The following MUC4 variants were observed in gnomAD, a reference collection of about 807,000 sequenced individuals.
MUC4 encodes the protein mucin-4.
MUC4 carries 202 observed loss-of-function variants against 257.9 expected under a neutral mutation model. That is an observed-to-expected ratio of 0.78 (90% CI 0.70 to 0.88). The LOEUF is 0.88. Ranked by LOEUF, MUC4 falls within the 40% of genes least tolerant of loss-of-function variation. MUC4 has a pLI of 0.00. For missense variants in MUC4, 5,976 were observed against 6,513.7 expected (o/e 0.92, Z 2.84); for synonymous variants, 2,351 against 2,757.1 (o/e 0.85, Z 4.62).
chr3:195,786,619 G>T lies in MUC4; in HGVS notation c.4961C>A (p.Pro1654His). 6.5e-7 allele frequency: 1 copy of T among 1,527,810 alleles called. No homozygotes were observed. The highest frequency in any genetic ancestry group is 1.4e-5 in the African/African-American group (1 of 71,448). The allele number at this position is 1,527,810 out of a possible 1,614,324, so 94.6% of individuals were successfully genotyped here. A position where few individuals can be genotyped will look rare whatever the true frequency, so the allele number is the denominator to read the frequency against. ...GHATPLHVTS[P>H]SSASTGHATP... The stretch of plus-strand genomic sequence containing the variant: ...GGCGTGACCTGTGGATGCTGAGGAA[G>T]GGCTGGTGACATGAAGAGGGGTGGC... The change falls in exon 2 of 25, where the codon CCT becomes CAT. Residue 1654 changes from proline to histidine, a missense_variant. Pro to His is a moderately conservative substitution (Grantham distance 77). Transcript: ENST00000463781.
intron 17 of MUC4, among the ~76,000 whole-genome samples, chr3:195,758,188 T>C (rs1051167169): frequency 2.0e-5 from 3 of 152,144 alleles, no homozygotes; most frequent in African/African-American, 7.2e-5. Flanking sequence ...CCCTTTGAAT[T>C]AGTGCTGGCA....
chr3:195,762,841 G>A lies in MUC4; in HGVS notation c.14344+14C>T, dbSNP rs756388359. Reference sequence around the variant, plus strand: ...CCGGTGCGGGGAGGGGGCGGCCGGCGCTCCCCAACCTACCTCCGCCGTCTT... The same window carrying A: ...CCGGTGCGGGGAGGGGGCGGCCGGCACTCCCCAACCTACCTCCGCCGTCTT... On this transcript the variant is annotated intron_variant, in intron 13 of 24. Transcript: ENST00000463781. 7.1e-6 allele frequency: 11 copies of A among 1,541,146 alleles called. 1 individual carries two copies. In the South Asian group the frequency reaches 1.2e-4, roughly 17 times the overall value.
rs1718946635 is a variant in MUC4 at position 195,761,691 on chromosome 3, G to T, written c.14513-106C>A. The stretch of plus-strand genomic sequence containing the variant: ...GAGAGGCCAGGGCCTGGCAGCCTCT[G>T]CTCTTGCACCTGCTGTCAGGCCTCC... On this transcript the variant is annotated intron_variant, in intron 14 of 24. Transcript: ENST00000463781. The T allele has an allele frequency of 1.4e-5, 12 of 854,192 alleles. No individual in the cohort carries two copies. The Middle Eastern group carries it at 3.5e-3, about 246-fold the overall frequency. 52.9% of individuals were successfully genotyped at this position (854,192 alleles called of 1,614,324 possible).
At chr3:195,767,742 CCA>C (rs1721505053) in intron 7 of MUC4, among the ~76,000 whole-genome samples, 1 of 78,358 alleles carries the variant, frequency 1.3e-5, no homozygotes, top group East Asian at 5.4e-4. Context: ...ACCACCATCA[CCA>C]TCGCCACCAC....
In MUC4 at chr3:195,757,320, T is replaced by A. The variant is rs763620428; in HGVS notation, c.14995A>T (p.Thr4999Ser). 11 of 1,594,532 alleles carry A rather than the reference T, an allele frequency of 6.9e-6. No homozygotes were observed. The highest frequency in any genetic ancestry group is 9.5e-6 in the Non-Finnish European group (11 of 1,163,738). ...CTDLELFENG[T>S]LLWTPKSLEP... The stretch of plus-strand genomic sequence containing the variant: ...AGCGACTTGGGTGTCCACAGCAACG[T>A]CCCATTCTCTGCCCCGGGGAAGATG... Residue 4999 changes from threonine (T) to serine (S), a missense_variant, in exon 18 of 25, where the codon ACG becomes TCG. Physicochemically the swap from Thr to Ser is moderately conservative, Grantham distance 58 (BLOSUM62 1). Coordinates refer to ENST00000463781, the MANE Select transcript of MUC4 (RefSeq NM_018406.7). This position sits in a 1 kb window ranked among gnomAD's most constrained non-coding sequence, Gnocchi z 4.8.
chr3:195,751,300 G>A (rs1716385479), intron 21 of MUC4, 29 bp from the exon 22 acceptor site: 2 of 1,561,738 alleles, frequency 1.3e-6, no homozygotes, highest in Non-Finnish European at 8.7e-7. Context: ...GATGGGGGTG[G>A]GGGTGAGGCC....
intron 9 of MUC4, 63 bp downstream of exon 9, chr3:195,765,207 G>A: frequency 6.3e-7 from 1 of 1,586,126 alleles, no homozygotes. Flanking sequence ...TCTGGGGAGA[G>A]GCTGAGGGCG....
chr3:195,794,427 A>C (rs1469208032), intron 1 of MUC4, among the ~76,000 whole-genome samples: 1 of 152,138 alleles, frequency 6.6e-6, no homozygotes, highest in African/African-American at 2.4e-5. Context: ...AGAGAGAGAG[A>C]GAAAGAGAGA....
Position 195,765,012 on chromosome 3 carries a change from G to A in MUC4, c.13909C>T (p.Arg4637Cys), listed in dbSNP as rs141089874. 1.9e-6 allele frequency: 3 copies of A among 1,613,736 alleles called. No homozygotes were observed. The highest frequency in any genetic ancestry group is 2.7e-5 in the African/African-American group (2 of 74,902). The change falls in exon 10 of 25, where the codon CGT (arginine) becomes TGT (cysteine). Residue 4637 changes from arginine to cysteine, a missense_variant. Physicochemically the swap from Arg to Cys is radical, Grantham distance 180. Around this residue, in one of 44 missense-constraint regions of MUC4, gnomAD observed 996 missense variants for 1,137.3 expected, o/e 0.88. Coordinates refer to ENST00000463781, the MANE Select transcript of MUC4 (RefSeq NM_018406.7). ...ACTCACGCACCCAACTGCCAAGGACGCTGCACGTGCCAGCCTTCACGAAAC... is the reference window on the plus strand; with the variant it reads ...ACTCACGCACCCAACTGCCAAGGACACTGCACGTGCCAGCCTTCACGAAAC... Reference protein sequence around the residue: ...GEFREGWHVQRPWQLAQELEP... With the variant: ...GEFREGWHVQCPWQLAQELEP...
At chr3:195,763,404 C>G in intron 12 of MUC4, 29 bp downstream of exon 12, 1 of 1,403,260 alleles carries the variant, frequency 7.1e-7, no homozygotes, top group Non-Finnish European at 9.3e-7. Flanking sequence ...GGGTGGAATG[C>G]AGGGAGGTTC....
rs552757457 is a variant in MUC4 at position 195,752,586 on chromosome 3, C to G, written c.15509-140G>C. 100 of 679,148 alleles carry G rather than the reference C, an allele frequency of 1.5e-4. 2 individuals carry two copies. In the South Asian group the frequency reaches 1.7e-3, roughly 12 times the overall value. The allele number at this position is 679,148 out of a possible 1,614,324, so 42.1% of individuals were successfully genotyped here. ...AAGAAACCGGGAGAAGTGGCCCTCA[C>G]CCTACATTCCACAGTGACAGAAGGT... On this transcript the variant is annotated intron_variant, in intron 20 of 24. Transcript: ENST00000463781.
At position 195,761,193 on chromosome 3, in the gene MUC4, C is replaced by T. The variant is rs566517840; in HGVS notation, c.14615-76G>A. Reference sequence around the variant, plus strand: ...CATCTGTGTCCACCTCTACCCCTCACTTTAGATGGCTTGGAGCGGGGCGGT... The same window carrying T: ...CATCTGTGTCCACCTCTACCCCTCATTTTAGATGGCTTGGAGCGGGGCGGT... On this transcript the variant is annotated intron_variant, in intron 15 of 24. Coordinates refer to ENST00000463781, the MANE Select transcript of MUC4 (RefSeq NM_018406.7). 1.1e-5 allele frequency: 15 copies of T among 1,387,478 alleles called. No individual in the cohort carries two copies. In the East Asian group the frequency reaches 3.2e-4, roughly 30 times the overall value. 85.9% of individuals were successfully genotyped at this position (1,387,478 alleles called of 1,614,324 possible).
In MUC4 at chr3:195,785,348, C is replaced by T. The variant is rs746844940; in HGVS notation, c.6232G>A (p.Ala2078Thr). 18,042 of 1,502,496 alleles carry T rather than the reference C, an allele frequency of 0.012. 3,046 individuals carry two copies. The African/African-American group carries it at 0.26, about 22-fold the overall frequency. The allele number at this position is 1,502,496 out of a possible 1,614,324, so 93.1% of individuals were successfully genotyped here. A position where few individuals can be genotyped will look rare whatever the true frequency, so the allele number is the denominator to read the frequency against. The change falls in exon 2 of 25, where the codon GCC (alanine) becomes ACC (threonine). Residue 2078 changes from alanine (A) to threonine (T), a missense_variant. Physicochemically the swap from Ala to Thr is moderately conservative, Grantham distance 58. Coordinates refer to ENST00000463781, the MANE Select transcript of MUC4 (RefSeq NM_018406.7). ...TNPSSASTGH[A>T]TPLLVTDASS... ...GCGTCGGTGACAAGAAGAGGGGTGG[C>T]GTGACCTGTGGATGCTGAGGAAGGG...
chr3:195,797,874 G>C (rs1462829926), intron 1 of MUC4, among the ~76,000 whole-genome samples: 1 of 152,136 alleles, frequency 6.6e-6, no homozygotes, highest in Non-Finnish European at 1.5e-5. Flanking sequence ...GAGAGGCTGA[G>C]GCAGGAGGAA....
chr3:195,783,998 G>C lies in MUC4; in HGVS notation c.7582C>G (p.Pro2528Ala). 1 of 1,523,258 alleles carries C rather than the reference G, an allele frequency of 6.6e-7. No individual in the cohort carries two copies. Among genetic ancestry groups the C allele is most frequent in the Non-Finnish European group, 8.8e-7 (1 of 1,133,276 alleles). The allele number at this position is 1,523,258 out of a possible 1,614,324, so 94.4% of individuals were successfully genotyped here. A position where few individuals can be genotyped will look rare whatever the true frequency, so the allele number is the denominator to read the frequency against. The stretch of plus-strand genomic sequence containing the variant: ...GAGGAAGCATTGGTGACAGGAAGAG[G>C]GGTGGTGTCACCTGTGGATGCTGAG... ...TPSASTGDTT[P>A]LPVTNASSLS... The change falls in exon 2 of 25, where the codon CCT becomes GCT. Residue 2528 changes from proline to alanine, a missense_variant. Coordinates refer to ENST00000463781, the MANE Select transcript of MUC4 (RefSeq NM_018406.7).
intron 7 of MUC4, among the ~76,000 whole-genome samples, chr3:195,768,059 C>T (rs1405464532): frequency 1.3e-5 from 2 of 152,066 alleles, no homozygotes; most frequent in Non-Finnish European, 2.9e-5. Flanking sequence ...ACCCTGGGTG[C>T]CTGCTGCAGA....
intron 6 of MUC4, 133 bp downstream of exon 6, chr3:195,770,083 C>T (rs1261451771): frequency 2.4e-5 from 20 of 821,652 alleles, no homozygotes; most frequent in Admixed American, 5.2e-5. Context: ...GGGGGGGTGG[C>T]GGTGGGGGGG....
intron 6 of MUC4, 75 bp from the exon 7 acceptor site, chr3:195,769,227 G>A (rs1386332474): frequency 1.8e-5 from 28 of 1,562,418 alleles, no homozygotes; most frequent in East Asian, 2.3e-5. Context: ...CCCCCCGCCC[G>A]TCCCACAGCC....
chr3:195,753,350 G>A (rs949627266), intron 19 of MUC4, 120 bp from the exon 20 acceptor site: 14 of 994,990 alleles, frequency 1.4e-5, no homozygotes, highest in African/African-American at 5.0e-5. Context: ...CGGGCCACTC[G>A]GAACCCCAAA....
Sources: allele counts gnomAD v4.1 joint callset (sites outside exome capture counted in the v4.1 genomes callset), GRCh38; gene constraint gnomAD v4.1.1; regional missense constraint gnomAD v4.1.1; non-coding constraint Gnocchi (gnomAD v3.1); transcripts MANE v1.5; gene names NCBI Gene and HGNC (gene_info 2026-07-23, HGNC 2026-07-21).